PCDHGA1: variants seen among roughly 807,000 people sequenced by gnomAD.
The protein encoded by PCDHGA1 is protocadherin gamma-A1.
Under a neutral mutation model 58.0 loss-of-function variants are expected in PCDHGA1, and 32 were observed. The observed-to-expected ratio is 0.55, with a 90% CI of 0.42 to 0.74. PCDHGA1 has a LOEUF of 0.74. Ranked by LOEUF, PCDHGA1 falls within the 30% of genes least tolerant of loss-of-function variation. The pLI, the probability that PCDHGA1 is intolerant of heterozygous loss-of-function variation, is 0.00. For synonymous variants in PCDHGA1, 498 were observed against 501.1 expected (o/e 0.99, Z 0.08); for missense variants, 1,205 against 1,182.3 (o/e 1.02, Z -0.28).
intron 1 of PCDHGA1, among the ~76,000 whole-genome samples, chr5:141,467,955 G>A (rs1049980375): frequency 2.0e-5 from 3 of 151,666 alleles, no homozygotes; most frequent in Non-Finnish European, 2.9e-5. Context: ...CACCACACCC[G>A]GCTGCCAGAA....
At chr5:141,398,819 A>C (rs571120530) in intron 1 of PCDHGA1, 1 of 1,613,994 alleles carries the variant, frequency 6.2e-7, no homozygotes, top group East Asian at 2.2e-5. Flanking sequence ...CTCCGGATCC[A>C]GGTAACCGAC....
At chr5:141,496,760 G>A (rs144857340) in intron 2 of PCDHGA1, among the ~76,000 whole-genome samples, 4 of 152,108 alleles carry the variant, frequency 2.6e-5, no homozygotes, top group East Asian at 1.9e-4. Context: ...AATATTTATC[G>A]AGCATCTACT....
rs2099684984 is a variant in PCDHGA1 at position 141,489,278 on chromosome 5, G to A, written c.2422-5529G>A. ...ACACTCCCACAGCTCGCTGGGAAAT[G>A]GCAAGTGCTGTGCATGTTGTCCTTG... is the stretch of plus-strand genomic sequence containing the variant. On this transcript the variant is annotated intron_variant, in intron 1 of 3. Transcript: ENST00000517417. The surrounding 1 kb of genome is among the most constrained non-coding windows in gnomAD (Gnocchi z 4.5). The A allele has an allele frequency of 6.4e-7, 1 of 1,561,298 alleles. No homozygotes were observed. The highest frequency in any genetic ancestry group is 2.2e-5 in the East Asian group (1 of 44,520).
chr5:141,350,861 C>T (rs1758574033), intron 1 of PCDHGA1: 1 of 1,614,074 alleles, frequency 6.2e-7, no homozygotes, highest in Non-Finnish European at 8.5e-7. Flanking sequence ...AGACAGGGAA[C>T]ATCAGAGCTC....
At chr5:141,454,019 A>G (rs905033407) in intron 1 of PCDHGA1, among the ~76,000 whole-genome samples, 1 of 152,262 alleles carries the variant, frequency 6.6e-6, no homozygotes, top group African/African-American at 2.4e-5. Flanking sequence ...AGAAAAATGT[A>G]TTAAGAATTG....
chr5:141,386,000 AT>A (rs1420495491), intron 1 of PCDHGA1: 3 of 152,258 alleles, frequency 2.0e-5, no homozygotes, highest in Admixed American at 6.5e-5. Flanking sequence ...ATAAAATGTC[AT>A]TTTAAGTGTT....
At chr5:141,466,325 C>T (rs1252026939) in intron 1 of PCDHGA1, among the ~76,000 whole-genome samples, 3 of 152,108 alleles carry the variant, frequency 2.0e-5, no homozygotes, top group African/African-American at 7.2e-5. Context: ...CACATGCTAC[C>T]ATGCCTGGAT....
intron 1 of PCDHGA1, chr5:141,333,485 A>G (rs1396487603): frequency 6.2e-6 from 2 of 320,624 alleles, no homozygotes; most frequent in Non-Finnish European, 1.1e-5. Context: ...ACTATTTTCA[A>G]ATTTTCTTTT....
Position 141,485,428 on chromosome 5 carries a change from C to T in PCDHGA1, c.2422-9379C>T, listed in dbSNP as rs2099613200. Reference sequence around the variant, plus strand: ...TGGATTTGGACAGCGGAGCCCTGCTCATCAAGAACCCAATCGACCGAGAGG... The same window carrying T: ...TGGATTTGGACAGCGGAGCCCTGCTTATCAAGAACCCAATCGACCGAGAGG... On this transcript the variant is annotated intron_variant, in intron 1 of 3. Transcript: ENST00000517417. The surrounding 1 kb of genome is among the most constrained non-coding windows in gnomAD (Gnocchi z 5.7). The T allele has an allele frequency of 2.5e-6, 4 of 1,614,160 alleles. No homozygotes were observed. The highest frequency in any genetic ancestry group is 3.4e-6 in the Non-Finnish European group (4 of 1,180,022).
At chr5:141,442,682 T>C (rs1591733469) in intron 1 of PCDHGA1, among the ~76,000 whole-genome samples, 1 of 152,218 alleles carries the variant, frequency 6.6e-6, no homozygotes, top group East Asian at 1.9e-4. Context: ...TGAGGGACAG[T>C]AGTCAGGCAG....
chr5:141,402,921 T>C (rs1486440819), intron 1 of PCDHGA1: 1 of 1,575,122 alleles, frequency 6.3e-7, no homozygotes. Context: ...CGCACAGAGA[T>C]CCTTTTGAGA....
Position 141,477,710 on chromosome 5 carries a change from G to A in PCDHGA1, c.2422-17097G>A, listed in dbSNP as rs747156156. ...GCCCCTAGACTATGAGGATCGGCGG[G>A]AATTTGAATTAACAGCTCATATCAG... On this transcript the variant is annotated intron_variant, in intron 1 of 3. Transcript: ENST00000517417. This position sits in a 1 kb window ranked among gnomAD's most constrained non-coding sequence, Gnocchi z 4.9. 2.5e-6 allele frequency: 4 copies of A among 1,613,918 alleles called. No homozygotes were observed. Among genetic ancestry groups the A allele is most frequent in the Middle Eastern group, 3.3e-4 (2 of 6,062 alleles).
chr5:141,507,113 C>G (rs1401559943), intron 3 of PCDHGA1: 1 of 152,220 alleles, frequency 6.6e-6, no homozygotes, highest in Non-Finnish European at 1.5e-5. Context: ...GGGACCATGG[C>G]TGCCTTTGGA....
intron 1 of PCDHGA1, chr5:141,410,320 C>A (rs752279818): frequency 6.2e-7 from 1 of 1,613,998 alleles, no homozygotes; most frequent in Non-Finnish European, 8.5e-7. Context: ...TCCTCCTCGC[C>A]GTGATTCTGG....
At chr5:141,376,491 A>T in intron 1 of PCDHGA1, 2 of 1,614,114 alleles carry the variant, frequency 1.2e-6, no homozygotes, top group Non-Finnish European at 1.7e-6. Context: ...ACGAAAGGAG[A>T]ACCCAGGCAA....
At chr5:141,427,008 C>G (rs762510673) in intron 1 of PCDHGA1, 145 of 456,786 alleles carry the variant, frequency 3.2e-4, no homozygotes, top group African/African-American at 2.8e-3. Context: ...AGTTTTTAGC[C>G]AGGATGTATA....
intron 1 of PCDHGA1, chr5:141,365,030 G>T: frequency 1.2e-6 from 2 of 1,613,856 alleles, no homozygotes; most frequent in Non-Finnish European, 1.7e-6. Context: ...TACGGTCCTC[G>T]ACGCAAACGA....
chr5:141,475,343 G>A (rs1425482944), intron 1 of PCDHGA1, among the ~76,000 whole-genome samples: 1 of 152,178 alleles, frequency 6.6e-6, no homozygotes, highest in Non-Finnish European at 1.5e-5. Flanking sequence ...ATGACATCCA[G>A]TTTTAAAAGA....
intron 1 of PCDHGA1, chr5:141,345,610 G>C (rs555894618): frequency 1.2e-6 from 2 of 1,614,194 alleles, no homozygotes; most frequent in African/African-American, 1.3e-5. Context: ...GAGCAATTTA[G>C]AGACTTAAAG....
Sources: gnomAD v4.1 joint callset for allele counts (sites outside exome capture counted in the v4.1 genomes callset) on GRCh38, gnomAD v4.1.1 for gene constraint, Gnocchi (gnomAD v3.1) non-coding constraint, MANE v1.5 for transcripts, NCBI Gene and HGNC (gene_info 2026-07-23, HGNC 2026-07-21) for gene names.